The following CD96 variants were observed in gnomAD, a reference collection of about 807,000 sequenced individuals.
CD96 encodes CD96 molecule, also known as T-cell surface protein tactile.
In CD96, 70 loss-of-function variants were observed where a neutral mutation model predicts 71.3. That is an observed-to-expected ratio of 0.98 (90% CI 0.81 to 1.20). CD96 has a LOEUF of 1.20. Among genes scored for constraint, CD96 ranks in the 50% most tolerant of loss-of-function variants. The pLI is 0.00. For synonymous variants in CD96, 248 were observed against 233.0 expected (o/e 1.06, Z -0.59); for missense variants, 742 against 677.5 (o/e 1.10, Z -1.06).
chr3:111,598,073 AG>A, intron 5 of CD96, 46 bp from the exon 6 acceptor site: 2 of 832,096 alleles, frequency 2.4e-6, no homozygotes, highest in Non-Finnish European at 4.3e-6. Context: ...AAGGAGTACC[AG>A]TTTCTTAGGA....
chr3:111,638,581 A>T (rs1054953316), intron 12 of CD96, among the ~76,000 whole-genome samples: 10 of 152,248 alleles, frequency 6.6e-5, no homozygotes, highest in African/African-American at 2.2e-4. Context: ...GTACTCCTAT[A>T]ATTCAACTAA....
At chr3:111,583,516 C>A (rs1936565107) in intron 4 of CD96, among the ~76,000 whole-genome samples, 2 of 152,244 alleles carry the variant, frequency 1.3e-5, no homozygotes, top group South Asian at 4.1e-4. Flanking sequence ...ACTGCCCAAG[C>A]AGAGGTTCTT....
chr3:111,555,021 C>G (rs1456839015), intron 2 of CD96, among the ~76,000 whole-genome samples: 1 of 152,014 alleles, frequency 6.6e-6, no homozygotes, highest in African/African-American at 2.4e-5. Flanking sequence ...ACTGATTTGG[C>G]AGGACACAGA....
At chr3:111,562,127 G>T (rs1020721327) in intron 2 of CD96, among the ~76,000 whole-genome samples, 1 of 152,238 alleles carries the variant, frequency 6.6e-6, no homozygotes, top group Non-Finnish European at 1.5e-5. Flanking sequence ...CTAGTGAGAT[G>T]AACCCAGTAC....
chr3:111,563,878 A>G (rs1935574875), intron 2 of CD96, among the ~76,000 whole-genome samples: 1 of 152,226 alleles, frequency 6.6e-6, no homozygotes, highest in Non-Finnish European at 1.5e-5. Flanking sequence ...CATAGCAGCA[A>G]TATTCTCTGA....
intron 3 of CD96, among the ~76,000 whole-genome samples, chr3:111,571,232 T>A (rs1195785281): frequency 2.4e-5 from 3 of 126,922 alleles, no homozygotes; most frequent in Admixed American, 8.0e-5. Context: ...TTTTTTTTTT[T>A]ATTGCTCATT....
chr3:111,632,661 C>A (rs1939127834), intron 10 of CD96, among the ~76,000 whole-genome samples: 1 of 152,136 alleles, frequency 6.6e-6, no homozygotes, highest in African/African-American at 2.4e-5. Flanking sequence ...ATTCAAGACA[C>A]ATGCAAGGGT....
In CD96 at chr3:111,613,740, T is replaced by G. The variant is rs567007964; in HGVS notation, c.1180+6948T>G. Among the ~76,000 whole-genome samples, 8 of 152,312 alleles carry G rather than the reference T, an allele frequency of 5.3e-5. No homozygotes were observed. In the South Asian group the frequency reaches 1.7e-3, roughly 32 times the overall value. ...GCCGATAGGTGCTATAGTGATAGAA[T>G]GAAAGGCCCAATGGAAATATTTCTA... On this transcript the variant is annotated intron_variant, in intron 8 of 13. Coordinates refer to ENST00000352690, the MANE Select transcript of CD96 (RefSeq NM_005816.5).
chr3:111,556,710 G>C (rs1175277104), intron 2 of CD96, among the ~76,000 whole-genome samples: 1 of 147,464 alleles, frequency 6.8e-6, no homozygotes, highest in East Asian at 2.0e-4. Context: ...AGTCATTTGG[G>C]TATATACCCA....
intron 6 of CD96, among the ~76,000 whole-genome samples, chr3:111,600,339 T>C (rs1342157411): frequency 6.6e-6 from 1 of 152,212 alleles, no homozygotes; most frequent in African/African-American, 2.4e-5. Flanking sequence ...GGTATATTCC[T>C]GCAACATAAC....
chr3:111,653,143 A>G (rs566567708), downstream of CD96, among the ~76,000 whole-genome samples: 56 of 152,258 alleles, frequency 3.7e-4, no homozygotes, highest in African/African-American at 1.3e-3. Context: ...CTATGATTGG[A>G]TTCACTCTCT....
At chr3:111,583,788 G>GA (rs1310022342) in intron 4 of CD96, among the ~76,000 whole-genome samples, 3 of 152,332 alleles carry the variant, frequency 2.0e-5, no homozygotes, top group Admixed American at 6.5e-5. Context: ...CACAGCAAGG[G>GA]GACCCTGGGC....
intron 8 of CD96, among the ~76,000 whole-genome samples, chr3:111,609,183 G>A (rs1161715285): frequency 6.6e-6 from 1 of 152,158 alleles, no homozygotes; most frequent in African/African-American, 2.4e-5. Flanking sequence ...GGGCATTTGA[G>A]AAAGCATCAG....
At chr3:111,586,317 G>A (rs562960585) in intron 5 of CD96, among the ~76,000 whole-genome samples, 10 of 152,008 alleles carry the variant, frequency 6.6e-5, no homozygotes, top group South Asian at 4.2e-4. Flanking sequence ...GTTTCTTCTC[G>A]CACCAATAAC....
At chr3:111,581,168 C>T (rs550425885) in intron 4 of CD96, among the ~76,000 whole-genome samples, 83 of 152,206 alleles carry the variant, frequency 5.5e-4, no homozygotes, top group African/African-American at 1.3e-3. Context: ...GAAGTCCTTT[C>T]GGTGGATGCT....
chr3:111,630,158 G>C (rs1211530115), intron 10 of CD96, among the ~76,000 whole-genome samples: 1 of 151,920 alleles, frequency 6.6e-6, no homozygotes, highest in Non-Finnish European at 1.5e-5. Flanking sequence ...AAATAACCAA[G>C]ATTGGAACTG....
At chr3:111,574,554 A>G (rs960953555) in intron 3 of CD96, among the ~76,000 whole-genome samples, 3 of 152,162 alleles carry the variant, frequency 2.0e-5, no homozygotes, top group African/African-American at 7.2e-5. Flanking sequence ...GGATTTGTCA[A>G]GTATTTAAGG....
intron 12 of CD96, among the ~76,000 whole-genome samples, chr3:111,642,863 A>G (rs1379732050): frequency 6.6e-6 from 1 of 151,968 alleles, no homozygotes; most frequent in Non-Finnish European, 1.5e-5. Context: ...CCAGGCCCAG[A>G]TGGATTAACA....
chr3:111,570,942 G>T (rs764997168), intron 3 of CD96: 2 of 1,562,838 alleles, frequency 1.3e-6, no homozygotes, highest in Admixed American at 1.7e-5. Context: ...AAAGTAGGGG[G>T]TCTTGAGTGG....
Sources: gnomAD v4.1 joint callset for allele counts (sites outside exome capture counted in the v4.1 genomes callset) on GRCh38, gnomAD v4.1.1 for gene constraint, MANE v1.5 for transcripts, NCBI Gene and HGNC (gene_info 2026-07-23, HGNC 2026-07-21) for gene names.